The following CLUL1 variants were observed in gnomAD, a reference collection of about 807,000 sequenced individuals.
CLUL1 encodes the protein clusterin-like protein 1.
In CLUL1, 43 loss-of-function variants were observed where a neutral mutation model predicts 49.4. That is an observed-to-expected ratio of 0.87 (90% confidence interval 0.68 to 1.12). The LOEUF (loss-of-function observed/expected upper bound fraction) is 1.12. Among genes scored for constraint, CLUL1 ranks in the 50% most tolerant of loss-of-function variants. The pLI, the probability that CLUL1 is intolerant of heterozygous loss-of-function variation, is 0.00. For missense variants in CLUL1, 486 were observed against 544.4 expected (o/e 0.89, Z 1.07); for synonymous variants, 192 against 184.9 (o/e 1.04, Z -0.31).
chr18:626,980 AAGG>A lies in CLUL1; in HGVS notation c.424-115_424-113del, dbSNP rs1567967067. Reference sequence around the variant, plus strand: ...GAAGGAAGGAAGGAAGGAAGGAAGGAAGGAAGGAAGGAAGGAAGGAAGGAAGGA... The same window carrying A: ...GAAGGAAGGAAGGAAGGAAGGAAGGAAAGGAAGGAAGGAAGGAAGGAAGGA... On this transcript the variant is annotated intron_variant, in intron 5 of 9. Coordinates refer to ENST00000692774, the MANE Select transcript of CLUL1 (RefSeq NM_001393344.1). 4.8e-4 allele frequency: 53 copies of A among 111,524 alleles called. 20 individuals carry two copies. The highest frequency in any genetic ancestry group is 4.7e-3 in the African/African-American group (49 of 10,434). 6.9% of individuals were successfully genotyped at this position (111,524 alleles called of 1,614,324 possible). A position where few individuals can be genotyped will look rare whatever the true frequency, so the allele number is the denominator to read the frequency against.
intron 2 of CLUL1, among the ~76,000 whole-genome samples, chr18:611,744 A>G (rs2073140460): frequency 6.6e-6 from 1 of 152,198 alleles, no homozygotes; most frequent in Non-Finnish European, 1.5e-5. Flanking sequence ...CACAAGGACA[A>G]TAAGTAAGAA....
chr18:636,276 G>A (rs958355459), intron 7 of CLUL1, among the ~76,000 whole-genome samples: 2 of 152,094 alleles, frequency 1.3e-5, no homozygotes, highest in African/African-American at 2.4e-5. Flanking sequence ...TTGAACCATT[G>A]TAAATTGGGG....
In CLUL1 at chr18:636,922, C is replaced by T. The variant is rs148896548; in HGVS notation, c.994+3487C>T. On this transcript the variant is annotated intron_variant, in intron 7 of 9. Transcript: ENST00000692774. ...GATTACAGGCGTGAGCCACCATGCC[C>T]AGCCCCTTTCTCCTTTTTAAATATC... is the stretch of plus-strand genomic sequence containing the variant. Among the ~76,000 whole-genome samples the T allele has an allele frequency of 5.9e-3, 890 of 150,980 alleles. 4 individuals are homozygous for T. The highest frequency in any genetic ancestry group is 0.02 in the African/African-American group (841 of 41,170).
intron 7 of CLUL1, among the ~76,000 whole-genome samples, chr18:640,229 A>G (rs2074301792): frequency 6.6e-6 from 1 of 151,918 alleles, no homozygotes; most frequent in South Asian, 2.1e-4. Flanking sequence ...TGGGCAGCAT[A>G]GTGAGACCCG....
Position 650,088 on chromosome 18 carries a change from A to C in CLUL1, c.*187A>C, listed in dbSNP as rs932662124. ...GCTATTAATACTCAAATTGAGTTAA[A>C]ATGAAAATTCCTCCTTAAAAAATCA... On this transcript the variant is annotated 3_prime_UTR_variant, in exon 10 of 10. Coordinates refer to ENST00000692774, the MANE Select transcript of CLUL1 (RefSeq NM_001393344.1). 2.9e-5 allele frequency: 13 copies of C among 451,096 alleles called. No individual in the cohort carries two copies. The highest frequency in any genetic ancestry group is 2.2e-4 in the African/African-American group (11 of 50,386). 27.9% of individuals were successfully genotyped at this position (451,096 alleles called of 1,614,324 possible).
Position 613,800 on chromosome 18 carries a change from T to C in CLUL1, c.-13-4188T>C, listed in dbSNP as rs146780260. 4.8e-3 allele frequency among the ~76,000 whole-genome samples: 737 copies of C among 152,306 alleles called. 8 individuals carry two copies. Among genetic ancestry groups the C allele is most frequent in the African/African-American group, 0.017 (714 of 41,554 alleles). On this transcript the variant is annotated intron_variant, in intron 2 of 9. Coordinates refer to ENST00000692774, the MANE Select transcript of CLUL1 (RefSeq NM_001393344.1). The stretch of plus-strand genomic sequence containing the variant: ...GTTATTGGTCTACCTTCCAATGACA[T>C]TGCACTCTGTGTGGCTCAATAAAAC...
intron 1 of CLUL1, among the ~76,000 whole-genome samples, chr18:604,564 C>A (rs530338588): frequency 5.3e-5 from 8 of 152,304 alleles, no homozygotes; most frequent in African/African-American, 1.9e-4. Context: ...CATACACACA[C>A]TTTATTAATA....
In CLUL1 at chr18:618,786, C is replaced by T. The variant is rs764012453; in HGVS notation, c.107-427C>T. ...ATTACATGGGATACTTTCTAGGTCT[C>T]GTGCCTCCTTATTAGGTAACTGAAG... is the stretch of plus-strand genomic sequence containing the variant. On this transcript the variant is annotated intron_variant, in intron 3 of 9. Coordinates refer to ENST00000692774, the MANE Select transcript of CLUL1 (RefSeq NM_001393344.1). The surrounding 1 kb of genome is among the most constrained non-coding windows in gnomAD (Gnocchi z 4.2). Among the ~76,000 whole-genome samples, 11 of 152,256 alleles carry T rather than the reference C, an allele frequency of 7.2e-5. No homozygotes were observed. The highest frequency in any genetic ancestry group is 1.2e-4 in the African/African-American group (5 of 41,538).
chr18:619,442 A>G lies in CLUL1; in HGVS notation c.255+81A>G. Reference sequence around the variant, plus strand: ...CACTTGTTAGTGCGATTGATGAATTACTTATTTTCCTTAGTAATAAATTTC... The same window carrying G: ...CACTTGTTAGTGCGATTGATGAATTGCTTATTTTCCTTAGTAATAAATTTC... On this transcript the variant is annotated intron_variant, in intron 4 of 9. Coordinates refer to ENST00000692774, the MANE Select transcript of CLUL1 (RefSeq NM_001393344.1). 4 of 1,259,572 alleles carry G rather than the reference A, an allele frequency of 3.2e-6. 1 individual carries two copies. The South Asian group carries it at 5.8e-5, about 18-fold the overall frequency. The allele number at this position is 1,259,572 out of a possible 1,614,324, so 78.0% of individuals were successfully genotyped here. A position where few individuals can be genotyped will look rare whatever the true frequency, so the allele number is the denominator to read the frequency against.
intron 1 of CLUL1, among the ~76,000 whole-genome samples, chr18:599,550 G>GA (rs1379322136): frequency 6.6e-6 from 1 of 152,098 alleles, no homozygotes; most frequent in African/African-American, 2.4e-5. Flanking sequence ...ATTTTCAAAT[G>GA]ATTAAGACTG....
chr18:601,199 CT>C (rs1281742681), intron 1 of CLUL1, among the ~76,000 whole-genome samples: 3 of 152,154 alleles, frequency 2.0e-5, no homozygotes, highest in Non-Finnish European at 4.4e-5. Flanking sequence ...GGTTTTCATG[CT>C]TTGTATCTTG....
intron 2 of CLUL1, among the ~76,000 whole-genome samples, chr18:611,231 C>T (rs1477376827): frequency 3.8e-5 from 4 of 104,168 alleles, no homozygotes; most frequent in African/African-American, 1.1e-4. Context: ...ACCCACCCCC[C>T]ACCTTTTTTT....
intron 1 of CLUL1, among the ~76,000 whole-genome samples, chr18:601,612 A>G (rs183702370): frequency 0.016 from 2,450 of 150,568 alleles, 48 homozygotes; most frequent in African/African-American, 0.047. Flanking sequence ...ACACCACTGC[A>G]CTCCAGCCTG....
chr18:625,843 CTA>C (rs2073671924), intron 5 of CLUL1, among the ~76,000 whole-genome samples: 1 of 136,700 alleles, frequency 7.3e-6, no homozygotes, highest in African/African-American at 3.0e-5. Context: ...AAGGGAGCAA[CTA>C]CTAAGATAAT....
At chr18:601,421 TC>T (rs1449642196) in intron 1 of CLUL1, among the ~76,000 whole-genome samples, 3 of 151,888 alleles carry the variant, frequency 2.0e-5, no homozygotes, top group African/African-American at 7.3e-5. Flanking sequence ...GGTGGTTGGA[TC>T]CCTTGGGATC....
At chr18:602,586 C>G (rs895693737) in intron 1 of CLUL1, among the ~76,000 whole-genome samples, 4 of 152,336 alleles carry the variant, frequency 2.6e-5, no homozygotes, top group African/African-American at 9.6e-5. Context: ...ATAATTTCCT[C>G]TGATGTGCCT....
chr18:626,703 C>T (rs1396494071), intron 5 of CLUL1, among the ~76,000 whole-genome samples: 1 of 148,736 alleles, frequency 6.7e-6, no homozygotes, highest in Non-Finnish European at 1.5e-5. Context: ...TACTAAAATA[C>T]AAAAAAAATT....
chr18:611,348 G>T (rs2143960996), intron 2 of CLUL1, among the ~76,000 whole-genome samples: 1 of 150,336 alleles, frequency 6.7e-6, no homozygotes, highest in East Asian at 2.0e-4. Context: ...AAATAAAGAA[G>T]ATCGAGAGGT....
intron 2 of CLUL1, 24 bp from the exon 3 acceptor site, chr18:617,964 T>A (rs749995478): frequency 1.3e-6 from 2 of 1,592,356 alleles, no homozygotes; most frequent in Admixed American, 1.7e-5. Flanking sequence ...AGACATTTGA[T>A]GCGGGTTTAT....
Sources: gnomAD v4.1 joint callset for allele counts (sites outside exome capture counted in the v4.1 genomes callset) on GRCh38, gnomAD v4.1.1 for gene constraint, Gnocchi (gnomAD v3.1) non-coding constraint, MANE v1.5 for transcripts, NCBI Gene and HGNC (gene_info 2026-07-23, HGNC 2026-07-21) for gene names.